Variants in ATAD3C observed in about 807,000 individuals in gnomAD.
ATAD3C encodes the protein ATPase family AAA domain-containing protein 3C.
ATAD3C carries 38 observed loss-of-function variants against 46.3 expected under a neutral mutation model. The observed-to-expected ratio is 0.82, with a 90% CI of 0.63 to 1.08. The LOEUF is 1.08. ATAD3C is among the 50% of genes least tolerant of loss of function. The probability of loss-of-function intolerance (pLI) is 0.00; values close to 1 mark genes in which losing one functional copy is unlikely to be tolerated. For synonymous variants in ATAD3C, 220 were observed against 236.4 expected (o/e 0.93, Z 0.63); for missense variants, 563 against 572.7 (o/e 0.98, Z 0.17).
At position 1,454,518 on chromosome 1, in the gene ATAD3C, G is replaced by T; in HGVS notation, c.378+18G>T. On this transcript the variant is annotated intron_variant, in intron 4 of 11. Transcript: ENST00000378785. The stretch of plus-strand genomic sequence containing the variant: ...CCATCCAGGTAGCGGCGCAGGCCTG[G>T]CCCTCCCTGAGTGCAAGTGCCTGGC... 1 of 1,601,480 alleles carries T rather than the reference G, an allele frequency of 6.2e-7. No individual in the cohort carries two copies. The highest frequency in any genetic ancestry group is 8.5e-7 in the Non-Finnish European group (1 of 1,176,370).
At chr1:1,468,260 G>C in intron 11 of ATAD3C, 124 bp from the exon 12 acceptor site, 1 of 1,424,038 alleles carries the variant, frequency 7.0e-7, no homozygotes, top group Non-Finnish European at 9.2e-7. Context: ...CGGGTAGCCT[G>C]TGTTTCACGC....
intron 11 of ATAD3C, among the ~76,000 whole-genome samples, chr1:1,467,446 G>T (rs1233351298): frequency 6.6e-6 from 1 of 152,092 alleles, no homozygotes; most frequent in African/African-American, 2.4e-5. Context: ...TCCGGTCAGT[G>T]TCTCCCCACA....
At chr1:1,454,825 C>A (rs1638926251) in intron 4 of ATAD3C, among the ~76,000 whole-genome samples, 1 of 151,830 alleles carries the variant, frequency 6.6e-6, no homozygotes, top group African/African-American at 2.4e-5. Flanking sequence ...TGTCTGGCGG[C>A]CTCCCTGGGG....
At chr1:1,466,018 G>C (rs910494498) in intron 11 of ATAD3C, among the ~76,000 whole-genome samples, 1 of 151,836 alleles carries the variant, frequency 6.6e-6, no homozygotes, top group African/African-American at 2.4e-5. Context: ...TGAGGTGGGT[G>C]GATCACCTGA....
chr1:1,467,721 A>ACACCCT (rs990723027), intron 11 of ATAD3C, among the ~76,000 whole-genome samples: 3 of 151,962 alleles, frequency 2.0e-5, no homozygotes, highest in African/African-American at 7.2e-5. Flanking sequence ...GGGGGTCCCC[A>ACACCCT]CACCCTCACC....
At chr1:1,452,188 A>G in intron 2 of ATAD3C, 66 bp downstream of exon 2, 4 of 1,596,610 alleles carry the variant, frequency 2.5e-6, no homozygotes, top group Non-Finnish European at 3.4e-6. Flanking sequence ...CGCTGGTCCC[A>G]GGGTGCTCTC....
At chr1:1,460,116 A>G (rs1249073027) in intron 9 of ATAD3C, among the ~76,000 whole-genome samples, 6 of 134,134 alleles carry the variant, frequency 4.5e-5, no homozygotes, top group Non-Finnish European at 3.1e-5. Context: ...TTTTCTGCCC[A>G]GGCTGAGGTG....
chr1:1,466,804 C>T (rs1557782387), intron 11 of ATAD3C, among the ~76,000 whole-genome samples: 2 of 151,876 alleles, frequency 1.3e-5, no homozygotes, highest in African/African-American at 4.8e-5. Context: ...TCCAACGATG[C>T]TCATCAGGGA....
At position 1,468,371 on chromosome 1, in the gene ATAD3C, C is replaced by T. The variant is rs1204309006; in HGVS notation, c.1090-13C>T. Reference sequence around the variant, plus strand: ...CCATGGCGGCCTCCCTCAGCTCCCTCTCTCCCCACTAGGCCACGGCGTATG... The same window carrying T: ...CCATGGCGGCCTCCCTCAGCTCCCTTTCTCCCCACTAGGCCACGGCGTATG... On this transcript the variant is annotated splice_polypyrimidine_tract_variant and intron_variant, in intron 11 of 11. Transcript: ENST00000378785. 13 of 1,600,614 alleles carry T rather than the reference C, an allele frequency of 8.1e-6. No homozygotes were observed. The highest frequency in any genetic ancestry group is 1.1e-5 in the Non-Finnish European group (13 of 1,174,924).
In ATAD3C at chr1:1,468,496, G is replaced by C; in HGVS notation, c.1202G>C (p.Arg401Thr). The change falls in exon 12 of 12, where the codon AGG (arginine) becomes ACG (threonine). Residue 401 changes from arginine (R) to threonine (T), a missense_variant. Arg to Thr is a moderately conservative substitution (Grantham distance 71, BLOSUM62 -1). Around this residue, in one of 3 missense-constraint regions of ATAD3C, gnomAD observed 273 missense variants for 253.5 expected, o/e 1.08. Transcript: ENST00000378785. ...QQMMRWLKGE[R>T]PGPEDEQPSS Reference sequence around the variant, plus strand: ...ATGATGCGCTGGCTGAAGGGGGAGAGGCCTGGGCCCGAGGACGAGCAACCC... The same window carrying C: ...ATGATGCGCTGGCTGAAGGGGGAGACGCCTGGGCCCGAGGACGAGCAACCC... 6.2e-7 allele frequency: 1 copy of C among 1,610,520 alleles called. No individual in the cohort carries two copies. Among genetic ancestry groups the C allele is most frequent in the South Asian group, 1.1e-5 (1 of 90,732 alleles).
At position 1,450,322 on chromosome 1, in the gene ATAD3C, CAAAAAAAAAA is replaced by C; in HGVS notation, c.-352_-343del. ...CCTGGGCCAGAATGAGACTCCGTCT[CAAAAAAAAAA>C]AAAAAAAAAGCATGTGTAACGTGAA... On this transcript the variant is annotated 5_prime_UTR_variant, in exon 1 of 12. The change abolishes the stop of an existing upstream ORF in the 5' untranslated region. Coordinates refer to ENST00000378785, the MANE Select transcript of ATAD3C (RefSeq NM_001039211.3). 9.4e-6 allele frequency: 1 copy of C among 105,978 alleles called. No individual in the cohort carries two copies. The highest frequency in any genetic ancestry group is 2.2e-5 in the Non-Finnish European group (1 of 44,850). The allele number at this position is 105,978 out of a possible 1,614,324, so 6.6% of individuals were successfully genotyped here. A position where few individuals can be genotyped will look rare whatever the true frequency, so the allele number is the denominator to read the frequency against.
At chr1:1,467,004 T>A (rs1639155602) in intron 11 of ATAD3C, among the ~76,000 whole-genome samples, 1 of 152,030 alleles carries the variant, frequency 6.6e-6, no homozygotes, top group South Asian at 2.1e-4. Flanking sequence ...ACTTTTATAG[T>A]TTGAAGATTT....
At position 1,450,015 on chromosome 1, in the gene ATAD3C, A is replaced by G. The variant is rs145512950; in HGVS notation, c.-669A>G. 2 of 152,124 alleles carry G rather than the reference A, an allele frequency of 1.3e-5. No homozygotes were observed. Among genetic ancestry groups the G allele is most frequent in the African/African-American group, 4.8e-5 (2 of 41,550 alleles). 9.4% of individuals were successfully genotyped at this position (152,124 alleles called of 1,614,324 possible). A position where few individuals can be genotyped will look rare whatever the true frequency, so the allele number is the denominator to read the frequency against. On this transcript the variant is annotated 5_prime_UTR_variant, in exon 1 of 12. Transcript: ENST00000378785. Reference sequence around the variant, plus strand: ...ACGTTCTTGATAGCAGATCACTGACAACAGCCATTGGAAGCTTAGGAAAAG... The same window carrying G: ...ACGTTCTTGATAGCAGATCACTGACGACAGCCATTGGAAGCTTAGGAAAAG...
intron 11 of ATAD3C, among the ~76,000 whole-genome samples, chr1:1,464,185 C>G (rs1266975493): frequency 7.0e-6 from 1 of 142,434 alleles, no homozygotes; most frequent in South Asian, 2.2e-4. Context: ...TCAGCCTGAG[C>G]AACAGAGTGA....
chr1:1,453,394 G>T (rs1214282637), intron 3 of ATAD3C, among the ~76,000 whole-genome samples: 1 of 151,958 alleles, frequency 6.6e-6, no homozygotes, highest in Non-Finnish European at 1.5e-5. Flanking sequence ...TGGAGACAGG[G>T]TTACACCCTG....
chr1:1,463,151 G>A (rs2100489170), intron 11 of ATAD3C, among the ~76,000 whole-genome samples: 1 of 152,224 alleles, frequency 6.6e-6, no homozygotes, highest in Non-Finnish European at 1.5e-5. Flanking sequence ...ACATGGGTGG[G>A]AGTTGTGGCC....
rs78193071 is a variant in ATAD3C at position 1,459,391 on chromosome 1, A to C, written c.812+160A>C. On this transcript the variant is annotated intron_variant, in intron 9 of 11. Transcript: ENST00000378785. The surrounding 1 kb of genome is among the most constrained non-coding windows in gnomAD (Gnocchi z 4.9). ...ATGTCCCCTGGGAACGGCCCAGCTC[A>C]GGACAGCACGGGGTGTCACTGAGGA... Among the ~76,000 whole-genome samples, 6 of 151,700 alleles carry C rather than the reference A, an allele frequency of 4.0e-5. No individual in the cohort carries two copies. Among genetic ancestry groups the C allele is most frequent in the African/African-American group, 1.5e-4 (6 of 41,162 alleles).
chr1:1,460,722 C>G (rs1208692722), intron 9 of ATAD3C, 28 bp from the exon 10 acceptor site: 2 of 1,578,164 alleles, frequency 1.3e-6, no homozygotes, highest in Non-Finnish European at 1.7e-6. Flanking sequence ...GCAGCCCCAG[C>G]GTTTCCTTCC....
chr1:1,468,131 C>A lies in ATAD3C; in HGVS notation c.1090-253C>A, dbSNP rs186869621. 2.1e-4 allele frequency among the ~76,000 whole-genome samples: 32 copies of A among 152,196 alleles called. No individual in the cohort carries two copies. In the East Asian group the frequency reaches 5.6e-3, roughly 27 times the overall value. ...TGGGTCGGCCGTCAGTGAGGCTCCGCCTTGGGCTTTCTATTAGAAAGTCAT... is the reference window on the plus strand; with the variant it reads ...TGGGTCGGCCGTCAGTGAGGCTCCGACTTGGGCTTTCTATTAGAAAGTCAT... On this transcript the variant is annotated intron_variant, in intron 11 of 11. Transcript: ENST00000378785.
Sources: allele counts gnomAD v4.1 joint callset (sites outside exome capture counted in the v4.1 genomes callset), GRCh38; gene constraint gnomAD v4.1.1; regional missense constraint gnomAD v4.1.1; non-coding constraint Gnocchi (gnomAD v3.1); transcripts MANE v1.5; gene names NCBI Gene and HGNC (gene_info 2026-07-23, HGNC 2026-07-21).